TOX2: variants seen among roughly 807,000 people sequenced by gnomAD.
TOX2 encodes TOX high mobility group box family member 2.
A neutral mutation model predicts 47.4 loss-of-function variants in TOX2; 15 were observed. The observed-to-expected ratio is 0.32, with a 90% confidence interval of 0.21 to 0.49. The LOEUF (loss-of-function observed/expected upper bound fraction) is 0.49, where lower values mean the gene tolerates loss of function less well. Among genes scored for constraint, TOX2 ranks in the 20% least tolerant of loss-of-function variants. The probability of loss-of-function intolerance (pLI) is 0.99; values close to 1 mark genes in which losing one functional copy is unlikely to be tolerated. For synonymous variants in TOX2, 290 were observed against 296.6 expected, an observed-to-expected ratio of 0.98 and a Z score of 0.23; for missense variants, 622 against 673.1, an observed-to-expected ratio of 0.92 and a Z score of 0.84.
intron 5 of TOX2, among the ~76,000 whole-genome samples, chr20:44,062,366 C>A (rs146545856): frequency 0.011 from 879 of 81,544 alleles, 12 homozygotes; most frequent in African/African-American, 0.039. Flanking sequence ...CCTTTAACTG[C>A]AAAATAAATA....
At chr20:44,052,326 G>A (rs564993759) in intron 4 of TOX2, among the ~76,000 whole-genome samples, 1 of 152,340 alleles carries the variant, frequency 6.6e-6, no homozygotes, top group African/African-American at 2.4e-5. Flanking sequence ...AGAACATCTT[G>A]TCTTACCAGG....
chr20:43,933,877 C>T (rs1441076263), intron 1 of TOX2, among the ~76,000 whole-genome samples: 2 of 152,070 alleles, frequency 1.3e-5, no homozygotes, highest in Non-Finnish European at 2.9e-5. Flanking sequence ...TCGTGGTCAT[C>T]CAGTCACAGT....
chr20:44,045,276 T>TA (rs1275631001), intron 3 of TOX2, among the ~76,000 whole-genome samples: 1 of 152,222 alleles, frequency 6.6e-6, no homozygotes, highest in African/African-American at 2.4e-5. Context: ...ATGTGTATTT[T>TA]ATCACAATTT....
chr20:43,918,179 G>A (rs1182530221), intron 1 of TOX2, among the ~76,000 whole-genome samples: 2 of 152,224 alleles, frequency 1.3e-5, no homozygotes, highest in Non-Finnish European at 2.9e-5. Flanking sequence ...ATCTTACCAG[G>A]CTGGGGGACA....
At chr20:44,006,903 G>T in intron 3 of TOX2, 111 bp downstream of exon 3, 1 of 1,439,526 alleles carries the variant, frequency 6.9e-7, no homozygotes, top group Non-Finnish European at 9.2e-7. Context: ...CATGGGCAGG[G>T]TCTGGGTTTA....
intron 5 of TOX2, among the ~76,000 whole-genome samples, chr20:44,055,482 C>A (rs2071599982): frequency 6.6e-6 from 1 of 152,062 alleles, no homozygotes; most frequent in Non-Finnish European, 1.5e-5. Context: ...GAAAGGAGAC[C>A]AGGATGGCCA....
chr20:43,945,600 C>T (rs1395164438), intron 1 of TOX2: 1 of 317,088 alleles, frequency 3.2e-6, no homozygotes, highest in Non-Finnish European at 6.2e-6. Flanking sequence ...CCCAAGGCAG[C>T]GTGTGTGAGT....
intron 1 of TOX2, among the ~76,000 whole-genome samples, chr20:43,923,157 G>A (rs1600648984): frequency 6.6e-6 from 1 of 152,094 alleles, no homozygotes; most frequent in Non-Finnish European, 1.5e-5. Context: ...AAACCTGCCT[G>A]CGTGGGAGTT....
chr20:43,922,342 G>A (rs1387922403), intron 1 of TOX2, among the ~76,000 whole-genome samples: 3 of 152,132 alleles, frequency 2.0e-5, no homozygotes, highest in African/African-American at 7.2e-5. Flanking sequence ...GCCCCCAGTC[G>A]TGACAACAAA....
At chr20:44,014,509 G>C (rs2070841068) in intron 3 of TOX2, among the ~76,000 whole-genome samples, 1 of 152,118 alleles carries the variant, frequency 6.6e-6, no homozygotes, top group Non-Finnish European at 1.5e-5. Flanking sequence ...CTAGTAGTCA[G>C]GTGTATAGGC....
intron 1 of TOX2, among the ~76,000 whole-genome samples, chr20:43,922,415 T>TA (rs1200513815): frequency 6.6e-6 from 1 of 152,142 alleles, no homozygotes; most frequent in East Asian, 1.9e-4. Context: ...TTAGCGCAGG[T>TA]AAACTAGAAG....
At chr20:43,921,453 T>C (rs2069111722) in intron 1 of TOX2, among the ~76,000 whole-genome samples, 1 of 152,162 alleles carries the variant, frequency 6.6e-6, no homozygotes, top group Non-Finnish European at 1.5e-5. Flanking sequence ...AGTCTCCTCA[T>C]CTGTAAAATG....
rs779660333 is a variant in TOX2 at position 44,059,842 on chromosome 20, AT to A, written c.880-4929del. Among the ~76,000 whole-genome samples the A allele has an allele frequency of 1.4e-4, 21 of 152,288 alleles. 1 individual carries two copies. The highest frequency in any genetic ancestry group is 9.2e-4 in the Admixed American group (14 of 15,296). On this transcript the variant is annotated intron_variant, in intron 5 of 8. Transcript: ENST00000341197. Reference sequence around the variant, plus strand: ...ACAGGACCTCTAAAATAATAACACAATTTTTTAAAAACCACAAGGTATTTGG... The same window carrying A: ...ACAGGACCTCTAAAATAATAACACAATTTTTAAAAACCACAAGGTATTTGG...
At chr20:44,065,569 CTA>C in intron 6 of TOX2, 141 bp from the exon 7 acceptor site, 1 of 938,340 alleles carries the variant, frequency 1.1e-6, no homozygotes, top group Middle Eastern at 2.5e-4. Flanking sequence ...GGACCCTGTG[CTA>C]TCTCTGGTTA....
At chr20:43,930,900 C>T (rs1411012400) in intron 1 of TOX2, among the ~76,000 whole-genome samples, 1 of 152,154 alleles carries the variant, frequency 6.6e-6, no homozygotes, top group East Asian at 1.9e-4. Flanking sequence ...ACTGCACTGC[C>T]CTACCATGGT....
At chr20:44,033,765 C>T (rs867774418) in intron 3 of TOX2, among the ~76,000 whole-genome samples, 7 of 152,144 alleles carry the variant, frequency 4.6e-5, no homozygotes, top group African/African-American at 1.4e-4. Context: ...CACTTTAGTT[C>T]AGTGAGACTC....
intron 3 of TOX2, among the ~76,000 whole-genome samples, chr20:44,032,447 A>G (rs1332326966): frequency 6.6e-6 from 1 of 152,210 alleles, no homozygotes. Flanking sequence ...GCACTGAGCT[A>G]GAAGAGAGCC....
At chr20:43,935,315 G>A (rs558618477) in intron 1 of TOX2, among the ~76,000 whole-genome samples, 53 of 152,198 alleles carry the variant, frequency 3.5e-4, no homozygotes, top group Non-Finnish European at 6.9e-4. Flanking sequence ...TGCGTAGGAT[G>A]TTATATAAGC....
At chr20:43,929,309 G>A (rs146318105) in intron 1 of TOX2, among the ~76,000 whole-genome samples, 3 of 152,246 alleles carry the variant, frequency 2.0e-5, no homozygotes, top group African/African-American at 7.2e-5. Flanking sequence ...CTTTGCCCTG[G>A]TGAGTAGATA....
Sources: allele counts gnomAD v4.1 joint callset (sites outside exome capture counted in the v4.1 genomes callset), GRCh38; gene constraint gnomAD v4.1.1; transcripts MANE v1.5; gene names NCBI Gene and HGNC (gene_info 2026-07-23, HGNC 2026-07-21).